LGR4: variants seen among roughly 807,000 people sequenced by gnomAD.
LGR4 encodes leucine-rich repeat-containing G protein-coupled receptor 4.
In LGR4, 44 loss-of-function variants were observed where a neutral mutation model predicts 84.8. That is an observed-to-expected ratio of 0.52 (90% CI 0.41 to 0.67). The LOEUF is 0.67. Ranked by LOEUF, LGR4 falls within the 30% of genes least tolerant of loss-of-function variation. The probability of loss-of-function intolerance (pLI) is 0.00; values close to 1 mark genes in which losing one functional copy is unlikely to be tolerated. For missense variants in LGR4, 1,032 were observed against 1,131.4 expected, an observed-to-expected ratio of 0.91 and a Z score of 1.26; for synonymous variants, 429 against 434.3, an observed-to-expected ratio of 0.99 and a Z score of 0.15.
chr11:27,408,431 G>A (rs577836165), intron 2 of LGR4, among the ~76,000 whole-genome samples: 1 of 152,240 alleles, frequency 6.6e-6, no homozygotes, highest in Non-Finnish European at 1.5e-5. Context: ...TGCCAAAGCT[G>A]GCAATGGCTT....
At chr11:27,429,439 C>T (rs978753894) in intron 1 of LGR4, among the ~76,000 whole-genome samples, 3 of 150,928 alleles carry the variant, frequency 2.0e-5, no homozygotes, top group East Asian at 2.0e-4. Context: ...GCTGAGATCG[C>T]GCTACTGCAC....
chr11:27,404,701 C>A (rs1331133379), intron 2 of LGR4, among the ~76,000 whole-genome samples: 1 of 152,074 alleles, frequency 6.6e-6, no homozygotes, highest in Admixed American at 6.6e-5. Flanking sequence ...GTCAGTCTGG[C>A]CAATCAGGAT....
intron 2 of LGR4, among the ~76,000 whole-genome samples, chr11:27,392,901 A>G (rs1766134937): frequency 6.6e-6 from 1 of 152,198 alleles, no homozygotes; most frequent in Non-Finnish European, 1.5e-5. Flanking sequence ...TACAGATTAG[A>G]GCAAACCAGT....
rs543435676 is a variant in LGR4, at chr11:27,455,073, T to G, written c.185+17045A>C. On this transcript the variant is annotated intron_variant, in intron 1 of 17. Transcript: ENST00000379214. ...TTTCTTTTTTCCAGGTCTCACTTTGTCACCCATGCTGGAGTGCAGTGGCAC... is the reference window on the plus strand; with the variant it reads ...TTTCTTTTTTCCAGGTCTCACTTTGGCACCCATGCTGGAGTGCAGTGGCAC... 2.6e-5 allele frequency among the ~76,000 whole-genome samples: 4 copies of G among 152,342 alleles called. No individual in the cohort carries two copies. The East Asian group carries it at 5.8e-4, about 22-fold the overall frequency.
chr11:27,438,834 C>A (rs1365615741), intron 1 of LGR4, among the ~76,000 whole-genome samples: 2 of 152,172 alleles, frequency 1.3e-5, no homozygotes, highest in Admixed American at 6.5e-5. Context: ...GAAACTTACC[C>A]CATCAGCTCT....
chr11:27,385,492 GT>G (rs1863171253), intron 4 of LGR4, 24 bp from the exon 5 acceptor site: 1 of 1,492,462 alleles, frequency 6.7e-7, no homozygotes, highest in South Asian at 1.2e-5. Context: ...AAACAACCAT[GT>G]TCAGTAACAA....
chr11:27,409,788 C>A (rs2133395220), intron 2 of LGR4, among the ~76,000 whole-genome samples: 1 of 152,262 alleles, frequency 6.6e-6, no homozygotes, highest in South Asian at 2.1e-4. Flanking sequence ...AACACCCTTA[C>A]TACTACCCTC....
intron 1 of LGR4, among the ~76,000 whole-genome samples, chr11:27,423,660 C>T (rs1181341479): frequency 6.6e-6 from 1 of 152,160 alleles, no homozygotes; most frequent in Non-Finnish European, 1.5e-5. Context: ...ATTAAAATCA[C>T]TAATGATTTA....
chr11:27,372,298 C>T lies in LGR4; in HGVS notation c.1480G>A (p.Val494Met), dbSNP rs1862899198. ...TEDNSLQDHS[V>M]AQEKGTADAA... Reference sequence around the variant, plus strand: ...ATGCACTTGCCTTTCTCCTGTGCCACACTGTGGTCCTGGAGGCTGTTATCT... The same window carrying T: ...ATGCACTTGCCTTTCTCCTGTGCCATACTGTGGTCCTGGAGGCTGTTATCT... Residue 494 changes from valine to methionine, a missense_variant, in exon 16 of 18, where the codon GTG becomes ATG. Coordinates refer to ENST00000379214, the MANE Select transcript of LGR4 (RefSeq NM_018490.5). The T allele has an allele frequency of 6.2e-7, 1 of 1,609,374 alleles. No individual in the cohort carries two copies. Among genetic ancestry groups the T allele is most frequent in the Non-Finnish European group, 8.5e-7 (1 of 1,175,772 alleles).
chr11:27,472,347 G>T lies in LGR4; in HGVS notation c.-45C>A. ...GCCGGCCTCTCCCGCGGCGCTGCTC[G>T]CTCCGCTGCCCTCCGATGTCCCCCG... On this transcript the variant is annotated 5_prime_UTR_variant, in exon 1 of 18. Transcript: ENST00000379214. 2 of 1,184,570 alleles carry T rather than the reference G, an allele frequency of 1.7e-6. No individual in the cohort carries two copies. The highest frequency in any genetic ancestry group is 4.2e-5 in the South Asian group (1 of 23,796). 73.4% of individuals were successfully genotyped at this position (1,184,570 alleles called of 1,614,324 possible). A position where few individuals can be genotyped will look rare whatever the true frequency, so the allele number is the denominator to read the frequency against.
intron 1 of LGR4, among the ~76,000 whole-genome samples, chr11:27,437,613 T>C (rs1464634300): frequency 6.6e-6 from 1 of 151,976 alleles, no homozygotes; most frequent in Non-Finnish European, 1.5e-5. Flanking sequence ...GGTGGTCCTA[T>C]TTTTAAAGTC....
intron 11 of LGR4, among the ~76,000 whole-genome samples, chr11:27,378,288 A>G (rs1863027158): frequency 1.3e-5 from 2 of 152,156 alleles, no homozygotes; most frequent in Non-Finnish European, 2.9e-5. Context: ...TTTCTAGGTC[A>G]GCCTAAAGTT....
rs1314022489 is a variant in LGR4, at chr11:27,472,304, G to A, written c.-2C>T. ...GAGCAGCCCTAGCGGGCCCGGCATT[G>A]CTGCGGCCGCCTCCCGCGCCGGCCT... is the stretch of plus-strand genomic sequence containing the variant. On this transcript the variant is annotated 5_prime_UTR_variant, in exon 1 of 18. Coordinates refer to ENST00000379214, the MANE Select transcript of LGR4 (RefSeq NM_018490.5). 8.3e-6 allele frequency: 10 copies of A among 1,201,070 alleles called. No individual in the cohort carries two copies. In the African/African-American group the frequency reaches 1.1e-4, roughly 13 times the overall value. 74.4% of individuals were successfully genotyped at this position (1,201,070 alleles called of 1,614,324 possible).
rs770231477 is a variant in LGR4 at position 27,372,366 on chromosome 11, C to T, written c.1412G>A (p.Cys471Tyr). ...ATAAGAGTCACAACCCCAAAATGCA[C>T]AGCACTGATAAGCATATGGTACTGA... ...SLSVPYAYQC[C>Y]AFWGCDSYAN... Residue 471 changes from cysteine (C) to tyrosine (Y), a missense_variant, in exon 16 of 18, where the codon TGT (cysteine) becomes TAT (tyrosine). Cys to Tyr is a radical substitution (Grantham distance 194, BLOSUM62 -2). Transcript: ENST00000379214. The T allele has an allele frequency of 6.2e-7, 1 of 1,612,954 alleles. No individual in the cohort carries two copies. Among genetic ancestry groups the T allele is most frequent in the East Asian group, 2.2e-5 (1 of 44,874 alleles).
At position 27,377,063 on chromosome 11, in the gene LGR4, A is replaced by G. The variant is rs1353560353; in HGVS notation, c.1109+95T>C. On this transcript the variant is annotated intron_variant, in intron 12 of 17. Coordinates refer to ENST00000379214, the MANE Select transcript of LGR4 (RefSeq NM_018490.5). ...GAACATCTGATTACAGGAATTTCTA[A>G]TTTCTTACTATTAAAGCCATCTATT... is the stretch of plus-strand genomic sequence containing the variant. The G allele has an allele frequency of 5.9e-6, 4 of 677,014 alleles. No homozygotes were observed. The Admixed American group carries it at 1.1e-4, about 18-fold the overall frequency. The allele number at this position is 677,014 out of a possible 1,614,324, so 41.9% of individuals were successfully genotyped here.
At position 27,395,391 on chromosome 11, in the gene LGR4, C is replaced by CA. The variant is rs530148304; in HGVS notation, c.258-2874dup. Among the ~76,000 whole-genome samples, 46 of 152,024 alleles carry CA rather than the reference C, an allele frequency of 3.0e-4. No individual in the cohort carries two copies. The East Asian group carries it at 8.9e-3, about 29-fold the overall frequency. ...AGTATTTTATAAAGTAACAAAGTGG[C>CA]AAAATGCAGAACACCTGATTATCTT... On this transcript the variant is annotated intron_variant, in intron 2 of 17. Transcript: ENST00000379214.
intron 1 of LGR4, among the ~76,000 whole-genome samples, chr11:27,461,836 ATTTTTTTTTTTT>A (rs35205372): frequency 2.6e-5 from 2 of 76,558 alleles, no homozygotes; most frequent in African/African-American, 5.2e-5. Context: ...TTGAGTTAGG[ATTTTTTTTTTTT>A]TTTTTTTTTT....
chr11:27,424,426 G>A (rs188689810), intron 1 of LGR4, among the ~76,000 whole-genome samples: 1 of 152,250 alleles, frequency 6.6e-6, no homozygotes, highest in African/African-American at 2.4e-5. Flanking sequence ...TTAAGCCTGG[G>A]AGGTTGAGGC....
rs969386068 is a variant in LGR4, at chr11:27,367,229, A to AT, written c.*637dup. On this transcript the variant is annotated 3_prime_UTR_variant, in exon 18 of 18. Transcript: ENST00000379214. ...AATGACTGAAAACAAATGTCCAGCT[A>AT]TTTTTTTAACCTAACAGCTGTTAAT... 2.0e-5 allele frequency: 3 copies of AT among 152,228 alleles called. No homozygotes were observed. The highest frequency in any genetic ancestry group is 4.8e-5 in the African/African-American group (2 of 41,436). The allele number at this position is 152,228 out of a possible 1,614,324, so 9.4% of individuals were successfully genotyped here.
Sources: allele counts gnomAD v4.1 joint callset (sites outside exome capture counted in the v4.1 genomes callset), GRCh38; gene constraint gnomAD v4.1.1; transcripts MANE v1.5; gene names NCBI Gene and HGNC (gene_info 2026-07-23, HGNC 2026-07-21).